SMUG1: variants seen among roughly 807,000 people sequenced by gnomAD.
SMUG1 encodes the protein single-strand selective monofunctional uracil DNA glycosylase.
Under a neutral mutation model 23.9 loss-of-function variants are expected in SMUG1, and 13 were observed. That is an observed-to-expected ratio of 0.54 (90% confidence interval 0.35 to 0.86). The LOEUF (loss-of-function observed/expected upper bound fraction) is 0.86, where lower values mean the gene tolerates loss of function less well. Among genes scored for constraint, SMUG1 ranks in the 40% least tolerant of loss-of-function variants. SMUG1 has a pLI of 0.01. For missense variants in SMUG1, 313 were observed against 339.5 expected (o/e 0.92, Z 0.61); for synonymous variants, 133 against 139.8 (o/e 0.95, Z 0.34).
chr12:54,173,937 G>T (rs1001761465), intron 2 of SMUG1, among the ~76,000 whole-genome samples: 4 of 151,952 alleles, frequency 2.6e-5, no homozygotes, highest in Non-Finnish European at 5.9e-5. Context: ...GCAAAAATGG[G>T]TCACACTCAA....
At chr12:54,166,985 C>G (rs1033162754) in intron 3 of SMUG1, among the ~76,000 whole-genome samples, 3 of 152,170 alleles carry the variant, frequency 2.0e-5, no homozygotes, top group Admixed American at 2.0e-4. Context: ...GTCTGGCAAG[C>G]GCTGGAGATA....
At chr12:54,174,356 A>C (rs1432030758) in intron 2 of SMUG1, among the ~76,000 whole-genome samples, 1 of 151,538 alleles carries the variant, frequency 6.6e-6, no homozygotes, top group Non-Finnish European at 1.5e-5. Context: ...GCAGGTTTCT[A>C]AAAACTGAAC....
At chr12:54,161,825 C>T (rs140563589), downstream of SMUG1, among the ~76,000 whole-genome samples, 16 of 152,332 alleles carry the variant, frequency 1.1e-4, no homozygotes, top group Non-Finnish European at 2.2e-4. This position sits in a 1 kb window ranked among gnomAD's most constrained non-coding sequence, Gnocchi z 4.2. Flanking sequence ...AACTCTGGAG[C>T]TGGCTGCTGA....
intron 2 of SMUG1, among the ~76,000 whole-genome samples, chr12:54,175,344 G>T (rs1026686274): frequency 7.9e-5 from 12 of 152,166 alleles, no homozygotes; most frequent in African/African-American, 2.9e-4. Context: ...GATGTGTTCT[G>T]AAAGGAAGCT....
In SMUG1 at chr12:54,182,328, C is replaced by T; in HGVS notation, c.581G>A (p.Cys194Tyr). The T allele has an allele frequency of 6.2e-7, 1 of 1,614,138 alleles. No homozygotes were observed. The highest frequency in any genetic ancestry group is 1.1e-5 in the South Asian group (1 of 91,084). ...CACCTGCCGGCAGAGGGCTGCATCA[C>T]AGATCCCAAGAAGCTGTTCTCGCTG... ...AKQREQLLGI[C>Y]DAALCRQVQL... Residue 194 changes from cysteine to tyrosine, a missense_variant, in exon 4 of 4, where the codon TGT becomes TAT. Physicochemically the swap from Cys to Tyr is radical, Grantham distance 194 (BLOSUM62 -2). Coordinates refer to ENST00000682136, the MANE Select transcript of SMUG1 (RefSeq NM_001243787.2).
rs3136385 is a variant in SMUG1, at chr12:54,183,499, T to TCGGA, written c.285+153_285+156dup. 2,315 of 722,650 alleles carry TCGGA rather than the reference T, an allele frequency of 3.2e-3. 42 individuals carry two copies. In the African/African-American group the frequency reaches 0.036, roughly 11 times the overall value. 44.8% of individuals were successfully genotyped at this position (722,650 alleles called of 1,614,324 possible). On this transcript the variant is annotated intron_variant, in intron 3 of 3. Coordinates refer to ENST00000682136, the MANE Select transcript of SMUG1 (RefSeq NM_001243787.2). ...CGGGCAGAGACGCTGGGAGAGGGCC[T>TCGGA]CGGACCACAGGAGCCAGTATATGTG...
chr12:54,181,918 A>C lies in SMUG1; in HGVS notation c.*178T>G, dbSNP rs1341439759. 2 of 1,446,250 alleles carry C rather than the reference A, an allele frequency of 1.4e-6. No individual in the cohort carries two copies. Among genetic ancestry groups the C allele is most frequent in the Non-Finnish European group, 1.8e-6 (2 of 1,102,656 alleles). The allele number at this position is 1,446,250 out of a possible 1,614,324, so 89.6% of individuals were successfully genotyped here. The stretch of plus-strand genomic sequence containing the variant: ...AGGAATCAGGAGGGCAAACAGGAGT[A>C]GTGTCAAAACTGCCATGGCAGGTTG... On this transcript the variant is annotated 3_prime_UTR_variant, in exon 4 of 4. Coordinates refer to ENST00000682136, the MANE Select transcript of SMUG1 (RefSeq NM_001243787.2).
chr12:54,161,651 C>T (rs895474693), downstream of SMUG1, among the ~76,000 whole-genome samples: 77 of 152,184 alleles, frequency 5.1e-4, 2 homozygotes, highest in Non-Finnish European at 7.3e-5. This position sits in a 1 kb window ranked among gnomAD's most constrained non-coding sequence, Gnocchi z 4.2. Context: ...TTTCTCTCTC[C>T]ATATTCCCGC....
At position 54,182,304 on chromosome 12, in the gene SMUG1, A is replaced by C. The variant is rs772157864; in HGVS notation, c.605T>G (p.Val202Gly). 1.9e-4 allele frequency: 306 copies of C among 1,613,110 alleles called. 1 individual carries two copies. The highest frequency in any genetic ancestry group is 1.2e-3 in the South Asian group (110 of 91,042). ...GICDAALCRQVQLLGVRLVVG... is the reference protein window; with the variant it reads ...GICDAALCRQGQLLGVRLVVG... The stretch of plus-strand genomic sequence containing the variant: ...CACCAGCCGCACCCCCAGCAGCTGC[A>C]CCTGCCGGCAGAGGGCTGCATCACA... The change falls in exon 4 of 4, where the codon GTG becomes GGG. Residue 202 changes from valine to glycine, a missense_variant. Physicochemically the swap from Val to Gly is moderately radical, Grantham distance 109. Coordinates refer to ENST00000682136, the MANE Select transcript of SMUG1 (RefSeq NM_001243787.2).
Position 54,182,636 on chromosome 12 carries a change from A to G in SMUG1, c.286-13T>C. On this transcript the variant is annotated splice_polypyrimidine_tract_variant and intron_variant, in intron 3 of 3. Transcript: ENST00000682136. ...CCCCAAAGGGCACCTGTGAGGAAGG[A>G]GAGAGACATGAAAGGCTTCAAACTG... 6.3e-7 allele frequency: 1 copy of G among 1,596,112 alleles called. No homozygotes were observed. The highest frequency in any genetic ancestry group is 8.5e-7 in the Non-Finnish European group (1 of 1,170,916).
chr12:54,158,338 G>C (rs928351152), intron 4 of SMUG1, among the ~76,000 whole-genome samples: 8 of 152,162 alleles, frequency 5.3e-5, no homozygotes, highest in Admixed American at 2.6e-4. Flanking sequence ...AAAATGCCTG[G>C]TGCTACTCAC....
downstream of SMUG1, among the ~76,000 whole-genome samples, chr12:54,177,588 T>C (rs1046618171): frequency 2.6e-5 from 4 of 152,310 alleles, no homozygotes; most frequent in Admixed American, 2.6e-4. Flanking sequence ...TTATTTCAGT[T>C]TGGCTTTAGA....
At position 54,182,508 on chromosome 12, in the gene SMUG1, G is replaced by C; in HGVS notation, c.401C>G (p.Ser134Ter). The C allele has an allele frequency of 6.2e-7, 1 of 1,614,110 alleles. No homozygotes were observed. Among genetic ancestry groups the C allele is most frequent in the South Asian group, 1.1e-5 (1 of 91,086 alleles). Residue 134 changes from serine to a stop codon, truncating the protein, a stop_gained, in exon 4 of 4, where the codon TCA becomes TGA. Transcript: ENST00000682136. LOFTEE classifies it high-confidence loss of function. Reference sequence around the variant, plus strand: ...CCAGAATCGGGCACCACTCACTTCTGACTGTGGGCACTCCAGTCCCAGCAC... The same window carrying C: ...CCAGAATCGGGCACCACTCACTTCTCACTGTGGGCACTCCAGTCCCAGCAC... The part of the protein sequence containing the change: ...RPVLGLECPQ[S>*]EVSGARFWGF...
rs200959376 is a variant in SMUG1 at position 54,159,245 on chromosome 12, T to C, written n.687+6129A>G. Reference sequence around the variant, plus strand: ...CCTCAGCCCTCACTGAAGAAGGAGGTAATTAGGAGCTGTGCAGTCCGTCCC... The same window carrying C: ...CCTCAGCCCTCACTGAAGAAGGAGGCAATTAGGAGCTGTGCAGTCCGTCCC... On this transcript the variant is annotated intron_variant and non_coding_transcript_variant, in intron 4 of 5. Transcript: ENST00000634429. Among the ~76,000 whole-genome samples, 55 of 151,202 alleles carry C rather than the reference T, an allele frequency of 3.6e-4. 3 individuals are homozygous for C. The East Asian group carries it at 0.011, about 29-fold the overall frequency.
At position 54,183,698 on chromosome 12, in the gene SMUG1, G is replaced by C; in HGVS notation, c.243C>G (p.Phe81Leu). ...RYCQGPKEVL[F>L]LGMNPGPFGM... is the part of the protein sequence containing the mutation. The stretch of plus-strand genomic sequence containing the variant: ...CAAAAGGTCCAGGGTTCATGCCCAG[G>C]AAGAGTACTTCCTTGGGGCCCTGGC... The change falls in exon 3 of 4, where the codon TTC becomes TTG. Residue 81 changes from phenylalanine (F) to leucine (L), a missense_variant. Physicochemically the swap from Phe to Leu is conservative, Grantham distance 22. Coordinates refer to ENST00000682136, the MANE Select transcript of SMUG1 (RefSeq NM_001243787.2). The C allele has an allele frequency of 3.1e-6, 5 of 1,614,058 alleles. No individual in the cohort carries two copies. The highest frequency in any genetic ancestry group is 4.2e-6 in the Non-Finnish European group (5 of 1,179,964).
chr12:54,172,701 C>CCCCTGACCCCAGGGTCA (rs1254056764), intron 2 of SMUG1: 1 of 154,044 alleles, frequency 6.5e-6, no homozygotes. Context: ...CAAAAAGGAA[C>CCCCTGACCCCAGGGTCA]CACTCCCCTG....
intron 2 of SMUG1, among the ~76,000 whole-genome samples, chr12:54,186,490 C>T (rs1942507817): frequency 6.6e-6 from 1 of 152,100 alleles, no homozygotes; most frequent in Non-Finnish European, 1.5e-5. Flanking sequence ...TACAGGTGCG[C>T]AGCACCACAC....
intron 2 of SMUG1, among the ~76,000 whole-genome samples, chr12:54,186,091 A>G (rs1942386491): frequency 6.6e-6 from 1 of 152,174 alleles, no homozygotes; most frequent in South Asian, 2.1e-4. Context: ...CCATTTCTAC[A>G]GTCCAACCAA....
chr12:54,166,327 C>T (rs1055162556), intron 3 of SMUG1, among the ~76,000 whole-genome samples: 17 of 152,210 alleles, frequency 1.1e-4, no homozygotes, highest in African/African-American at 3.9e-4. Flanking sequence ...CGCCATTGTA[C>T]TCCAGCCTGT....
Sources: gnomAD v4.1 joint callset for allele counts (sites outside exome capture counted in the v4.1 genomes callset) on GRCh38, gnomAD v4.1.1 for gene constraint, Gnocchi (gnomAD v3.1) non-coding constraint, MANE v1.5 for transcripts, NCBI Gene and HGNC (gene_info 2026-07-23, HGNC 2026-07-21) for gene names.